Variants in PEX5L observed in about 807,000 individuals in gnomAD.
PEX5L encodes PEX5-related protein.
Under a neutral mutation model 84.0 loss-of-function variants are expected in PEX5L, and 30 were observed. The observed-to-expected ratio is 0.36, with a 90% CI of 0.27 to 0.48. PEX5L has a LOEUF of 0.48. Ranked by LOEUF, PEX5L falls within the 20% of genes least tolerant of loss-of-function variation. The pLI is 0.99. For missense variants in PEX5L, 533 were observed against 754.6 expected, an observed-to-expected ratio of 0.71 and a Z score of 3.44; for synonymous variants, 270 against 283.1, an observed-to-expected ratio of 0.95 and a Z score of 0.46.
At chr3:179,951,833 A>G (rs781273874) in intron 2 of PEX5L, among the ~76,000 whole-genome samples, 1 of 152,240 alleles carries the variant, frequency 6.6e-6, no homozygotes, top group Admixed American at 6.5e-5. Context: ...GGAGTGTTCA[A>G]TGTTGATGAT....
chr3:179,969,580 T>A (rs1158991697), intron 2 of PEX5L, among the ~76,000 whole-genome samples: 1 of 152,120 alleles, frequency 6.6e-6, no homozygotes, highest in Non-Finnish European at 1.5e-5. Context: ...AACATTGTCG[T>A]TGTTTCAACC....
At chr3:179,872,227 T>C (rs937814053) in intron 7 of PEX5L, among the ~76,000 whole-genome samples, 2 of 152,192 alleles carry the variant, frequency 1.3e-5, no homozygotes, top group Non-Finnish European at 2.9e-5. Context: ...TACAGGTAGA[T>C]TGATCAGGTT....
At chr3:179,854,939 G>A (rs959570455) in intron 8 of PEX5L, among the ~76,000 whole-genome samples, 3 of 152,212 alleles carry the variant, frequency 2.0e-5, no homozygotes, top group African/African-American at 7.2e-5. Context: ...TGATGCAATG[G>A]CAATTGAGTG....
intron 2 of PEX5L, among the ~76,000 whole-genome samples, chr3:179,957,728 G>C (rs969589455): frequency 2.6e-5 from 4 of 152,216 alleles, no homozygotes; most frequent in Non-Finnish European, 4.4e-5. Flanking sequence ...TGGGTACAGA[G>C]GTAATTCTAA....
chr3:180,016,857 A>G (rs1161554513), intron 1 of PEX5L, among the ~76,000 whole-genome samples: 1 of 152,166 alleles, frequency 6.6e-6, no homozygotes. Context: ...TATGCTCTTG[A>G]TCATTTGCTT....
Position 180,016,973 on chromosome 3 carries a change from AAAAG to A in PEX5L, c.21+19602_21+19605del, listed in dbSNP as rs1436868366. On this transcript the variant is annotated intron_variant, in intron 1 of 14. Transcript: ENST00000467460. ...TATTTTATTGCTAACTTTTTATGTA[AAAAG>A]AGTGAGTAATGTTCATTAACACATC... is the stretch of plus-strand genomic sequence containing the variant. Among the ~76,000 whole-genome samples the A allele has an allele frequency of 2.6e-5, 4 of 152,326 alleles. No individual in the cohort carries two copies. The East Asian group carries it at 7.7e-4, about 29-fold the overall frequency.
At chr3:179,885,987 A>G (rs1755730003) in intron 4 of PEX5L, among the ~76,000 whole-genome samples, 1 of 152,236 alleles carries the variant, frequency 6.6e-6, no homozygotes, top group African/African-American at 2.4e-5. Flanking sequence ...AAGAAATTAC[A>G]CATTCTTTTG....
chr3:179,814,103 G>T (rs1725116237), intron 10 of PEX5L, among the ~76,000 whole-genome samples: 1 of 151,912 alleles, frequency 6.6e-6, no homozygotes, highest in Non-Finnish European at 1.5e-5. Context: ...TTACAGGCAT[G>T]AGGCACCACG....
intron 9 of PEX5L, 143 bp from the exon 10 acceptor site, chr3:179,816,147 G>A (rs1043357774): frequency 2.7e-6 from 2 of 742,820 alleles, no homozygotes; most frequent in South Asian, 3.7e-5. Flanking sequence ...ACTGTTGGTG[G>A]GAGTGTAAAT....
chr3:179,948,079 T>C (rs1014373985), intron 2 of PEX5L, among the ~76,000 whole-genome samples: 4 of 152,310 alleles, frequency 2.6e-5, no homozygotes, highest in Non-Finnish European at 2.9e-5. Context: ...TAGAACATTG[T>C]TATTAATCAG....
chr3:179,964,643 T>C (rs957595355), intron 2 of PEX5L, among the ~76,000 whole-genome samples: 3 of 152,068 alleles, frequency 2.0e-5, no homozygotes, highest in Non-Finnish European at 2.9e-5. Context: ...GAAAAGGACA[T>C]GAATAGACAC....
At chr3:179,814,022 C>T (rs1320505761) in intron 10 of PEX5L, among the ~76,000 whole-genome samples, 1 of 150,298 alleles carries the variant, frequency 6.7e-6, no homozygotes. Flanking sequence ...GGTTTCCCCA[C>T]GTTGGCCAAG....
At chr3:179,983,128 G>A (rs1471926473) in intron 1 of PEX5L, among the ~76,000 whole-genome samples, 1 of 151,710 alleles carries the variant, frequency 6.6e-6, no homozygotes, top group Non-Finnish European at 1.5e-5. Flanking sequence ...TTTATACATA[G>A]ATACATGTAT....
chr3:179,834,003 T>C (rs1469599397), intron 8 of PEX5L, among the ~76,000 whole-genome samples: 1 of 151,986 alleles, frequency 6.6e-6, no homozygotes, highest in African/African-American at 2.4e-5. Flanking sequence ...CGTGGCTAAA[T>C]TTTATTTTTA....
At chr3:179,844,393 CTT>C (rs1183728714) in intron 8 of PEX5L, among the ~76,000 whole-genome samples, 1 of 152,186 alleles carries the variant, frequency 6.6e-6, no homozygotes, top group Non-Finnish European at 1.5e-5. Flanking sequence ...TGAGGTGACT[CTT>C]AATTCTGATT....
intron 9 of PEX5L, among the ~76,000 whole-genome samples, chr3:179,818,376 T>C (rs1726999239): frequency 6.6e-6 from 1 of 152,142 alleles, no homozygotes; most frequent in South Asian, 2.1e-4. Flanking sequence ...ATGTGATGTG[T>C]GTAACAGTCA....
At chr3:180,013,201 C>T (rs1389022738) in intron 1 of PEX5L, among the ~76,000 whole-genome samples, 2 of 152,052 alleles carry the variant, frequency 1.3e-5, no homozygotes, top group Non-Finnish European at 2.9e-5. Context: ...AATAATATGC[C>T]CTAGCAATGT....
chr3:179,874,302 T>A (rs1751393444), intron 7 of PEX5L, 25 bp downstream of exon 7: 1 of 1,284,872 alleles, frequency 7.8e-7, no homozygotes, highest in Non-Finnish European at 1.1e-6. Flanking sequence ...GAAAGATGTG[T>A]TCATTGAATA....
intron 2 of PEX5L, among the ~76,000 whole-genome samples, chr3:179,907,998 C>T (rs1005046503): frequency 2.6e-5 from 4 of 152,156 alleles, no homozygotes; most frequent in African/African-American, 9.7e-5. Context: ...AAGCTACTAG[C>T]CAAGAAGGTC....
Sources: gnomAD v4.1 joint callset for allele counts (sites outside exome capture counted in the v4.1 genomes callset) on GRCh38, gnomAD v4.1.1 for gene constraint, MANE v1.5 for transcripts, NCBI Gene and HGNC (gene_info 2026-07-23, HGNC 2026-07-21) for gene names.